HAUS6: variants seen among roughly 807,000 people sequenced by gnomAD.
HAUS6 encodes the protein HAUS augmin like complex subunit 6, also known as HAUS augmin-like complex subunit 6.
Under a neutral mutation model 106.8 loss-of-function variants are expected in HAUS6, and 80 were observed. The ratio of observed to expected loss-of-function variants is 0.75; its 90% CI spans 0.63 to 0.90. The LOEUF is 0.90. Ranked by LOEUF, HAUS6 falls within the 40% of genes least tolerant of loss-of-function variation. The pLI is 0.00. For synonymous variants in HAUS6, 356 were observed against 379.1 expected, an observed-to-expected ratio of 0.94 and a Z score of 0.71; for missense variants, 1,155 against 1,118.1, an observed-to-expected ratio of 1.03 and a Z score of -0.47.
intron 7 of HAUS6, among the ~76,000 whole-genome samples, chr9:19,084,891 C>G (rs1322029591): frequency 3.3e-5 from 5 of 151,900 alleles, no homozygotes; most frequent in African/African-American, 1.2e-4. Context: ...ATCGGCCTCC[C>G]AAAGTGCTCA....
chr9:19,058,349 A>G lies in HAUS6; in HGVS notation c.2418T>C (p.Pro806=). Residue 806 remains proline, a synonymous_variant, in exon 16 of 17, where the codon CCT becomes CCC. Transcript: ENST00000380502. ...EANFKLEPNS[P]MHGGTLLEDV... is the part of the protein sequence containing the mutation. ...CTTCTAGAAGAGTGCCACCATGCAT[A>G]GGACTATTTGGCTCCAGTTTAAAAT... 6.2e-7 allele frequency: 1 copy of G among 1,613,914 alleles called. No individual in the cohort carries two copies. Among genetic ancestry groups the G allele is most frequent in the South Asian group, 1.1e-5 (1 of 91,074 alleles).
rs754556589 is a variant in HAUS6, at chr9:19,060,082, A to C, written c.1765+6T>G. 6.2e-7 allele frequency: 1 copy of C among 1,603,658 alleles called. No homozygotes were observed. Among genetic ancestry groups the C allele is most frequent in the East Asian group, 2.2e-5 (1 of 44,824 alleles). On this transcript the variant is annotated splice_donor_region_variant and intron_variant, in intron 15 of 16. Coordinates refer to ENST00000380502, the MANE Select transcript of HAUS6 (RefSeq NM_017645.5). ...AAAAAAGTAACAGAAAGCATTATTAACTTACTCAAGTTTTCTGGAGTACGG... is the reference window on the plus strand; with the variant it reads ...AAAAAAGTAACAGAAAGCATTATTACCTTACTCAAGTTTTCTGGAGTACGG...
At chr9:19,084,457 G>A (rs1483003319) in intron 7 of HAUS6, among the ~76,000 whole-genome samples, 1 of 151,990 alleles carries the variant, frequency 6.6e-6, no homozygotes. Context: ...TGTTCACTTT[G>A]TGAAAATTTG....
chr9:19,063,720 T>C lies in HAUS6; in HGVS notation c.1377-140A>G. On this transcript the variant is annotated intron_variant, in intron 12 of 16. Coordinates refer to ENST00000380502, the MANE Select transcript of HAUS6 (RefSeq NM_017645.5). Reference sequence around the variant, plus strand: ...ATTCGTCCCGGTCATCAAAAGGCAGTTTATTCTAGGGAGGCATGGTGACAA... The same window carrying C: ...ATTCGTCCCGGTCATCAAAAGGCAGCTTATTCTAGGGAGGCATGGTGACAA... 6.4e-6 allele frequency: 5 copies of C among 775,210 alleles called. No individual in the cohort carries two copies. In the South Asian group the frequency reaches 6.8e-5, roughly 10 times the overall value. The allele number at this position is 775,210 out of a possible 1,614,324, so 48.0% of individuals were successfully genotyped here.
chr9:19,075,377 G>A (rs767083973), intron 11 of HAUS6, among the ~76,000 whole-genome samples: 1 of 152,204 alleles, frequency 6.6e-6, no homozygotes, highest in African/African-American at 2.4e-5. Context: ...TGGGTGAATT[G>A]TATATGTGAA....
At chr9:19,064,895 C>A (rs1836727383) in intron 12 of HAUS6, 1 of 151,998 alleles carries the variant, frequency 6.6e-6, no homozygotes, top group Non-Finnish European at 1.5e-5. Flanking sequence ...ATCAAAAAGC[C>A]CCCTGAAACA....
At chr9:19,066,830 C>CAAAAAAAAAAA in intron 12 of HAUS6, among the ~76,000 whole-genome samples, 1 of 82,098 alleles carries the variant, frequency 1.2e-5, no homozygotes. Flanking sequence ...CTCATCTCTA[C>CAAAAAAAAAAA]AAAAAAAAAA....
intron 2 of HAUS6, among the ~76,000 whole-genome samples, chr9:19,096,006 CA>C (rs1020431395): frequency 6.6e-6 from 1 of 151,370 alleles, no homozygotes; most frequent in African/African-American, 2.4e-5. Flanking sequence ...GAGTACCGAG[CA>C]AAAAAAATTG....
At chr9:19,072,780 G>C (rs1836907111) in intron 11 of HAUS6, among the ~76,000 whole-genome samples, 1 of 151,898 alleles carries the variant, frequency 6.6e-6, no homozygotes, top group African/African-American at 2.4e-5. Flanking sequence ...CAAAAGAATA[G>C]ACCAAAAAAG....
rs1397205248 is a variant in HAUS6 at position 19,058,001 on chromosome 9, G to A, written c.2766C>T (p.Thr922=). 2 of 1,610,792 alleles carry A rather than the reference G, an allele frequency of 1.2e-6. No homozygotes were observed. The highest frequency in any genetic ancestry group is 1.1e-5 in the South Asian group (1 of 90,972). Residue 922 remains threonine, a synonymous_variant, in exon 16 of 17, where the codon ACC becomes ACT. Transcript: ENST00000380502. ...KFSPVEQRLR[T]TIACSLGELP... is the part of the protein sequence containing the mutation. ...GTTCTCCAAGACTACATGCTATTGT[G>A]GTTCTCAATCTTTGTTCCACTGGAG...
intron 7 of HAUS6, among the ~76,000 whole-genome samples, chr9:19,085,468 T>C (rs1837267310): frequency 1.3e-5 from 2 of 152,140 alleles, no homozygotes; most frequent in South Asian, 4.2e-4. Context: ...TATCAGATGA[T>C]CAATACATTC....
chr9:19,097,796 A>G (rs1038491831), intron 1 of HAUS6, among the ~76,000 whole-genome samples: 2 of 152,164 alleles, frequency 1.3e-5, no homozygotes, highest in African/African-American at 4.8e-5. Flanking sequence ...AACAAAAATG[A>G]AAGAACACTA....
intron 13 of HAUS6, 133 bp from the exon 14 acceptor site, chr9:19,063,326 T>C: frequency 1.4e-6 from 1 of 691,878 alleles, no homozygotes; most frequent in Non-Finnish European, 2.4e-6. Flanking sequence ...TGTATGTCAC[T>C]GGCAGAATTA....
At position 19,080,424 on chromosome 9, in the gene HAUS6, T is replaced by C. The variant is rs1489461219; in HGVS notation, c.1064+55A>G. 6.9e-6 allele frequency: 8 copies of C among 1,157,490 alleles called. No homozygotes were observed. The African/African-American group carries it at 7.7e-5, about 11-fold the overall frequency. 71.7% of individuals were successfully genotyped at this position (1,157,490 alleles called of 1,614,324 possible). On this transcript the variant is annotated intron_variant, in intron 9 of 16. Transcript: ENST00000380502. Reference sequence around the variant, plus strand: ...AGCTATTAAACTTATACAAGTTTTGTTGAGAAAACCACCCTACTCCTCCCA... The same window carrying C: ...AGCTATTAAACTTATACAAGTTTTGCTGAGAAAACCACCCTACTCCTCCCA...
intron 1 of HAUS6, among the ~76,000 whole-genome samples, chr9:19,097,146 C>T (rs1040169405): frequency 1.3e-5 from 2 of 151,938 alleles, no homozygotes; most frequent in Admixed American, 6.6e-5. Context: ...CCATAAAAAC[C>T]CTAGAAGAAA....
chr9:19,101,680 G>C (rs1022001395), intron 1 of HAUS6, among the ~76,000 whole-genome samples: 1 of 152,192 alleles, frequency 6.6e-6, no homozygotes, highest in Admixed American at 6.5e-5. Flanking sequence ...CCAGCACTTT[G>C]GGAGGCCGAG....
rs147576223 is a variant in HAUS6 at position 19,083,756 on chromosome 9, C to T, written c.700-713G>A. Among the ~76,000 whole-genome samples, 461 of 149,634 alleles carry T rather than the reference C, an allele frequency of 3.1e-3. 6 individuals are homozygous for T. The highest frequency in any genetic ancestry group is 0.025 in the Admixed American group (370 of 14,970). On this transcript the variant is annotated intron_variant, in intron 7 of 16. Transcript: ENST00000380502. The stretch of plus-strand genomic sequence containing the variant: ...GGCGGAGCTTGCAGTAAGCCAAGAT[C>T]GCGCCACTGCACTCCAGCCTAGGGG...
rs527920959 is a variant in HAUS6, at chr9:19,063,768, T to C, written c.1377-188A>G. On this transcript the variant is annotated intron_variant, in intron 12 of 16. Transcript: ENST00000380502. Reference sequence around the variant, plus strand: ...CAAGTAGAGCAGTATTTCAGCCCAATTTGTGTATCAGCCTCCCAATTATGA... The same window carrying C: ...CAAGTAGAGCAGTATTTCAGCCCAACTTGTGTATCAGCCTCCCAATTATGA... The C allele has an allele frequency of 4.0e-6, 3 of 745,586 alleles. No individual in the cohort carries two copies. The East Asian group carries it at 7.8e-5, about 19-fold the overall frequency. 46.2% of individuals were successfully genotyped at this position (745,586 alleles called of 1,614,324 possible). A position where few individuals can be genotyped will look rare whatever the true frequency, so the allele number is the denominator to read the frequency against.
chr9:19,098,660 T>C lies in HAUS6; in HGVS notation c.129-1891A>G, dbSNP rs1405287003. Among the ~76,000 whole-genome samples, 6 of 152,070 alleles carry C rather than the reference T, an allele frequency of 3.9e-5. No individual in the cohort carries two copies. In the East Asian group the frequency reaches 1.2e-3, roughly 29 times the overall value. ...CTCTGTAATGCAACCATATGATTTT[T>C]CCAAACTGCAAACCTTTTGGGCAAA... On this transcript the variant is annotated intron_variant, in intron 1 of 16. Coordinates refer to ENST00000380502, the MANE Select transcript of HAUS6 (RefSeq NM_017645.5).
Sources: allele counts gnomAD v4.1 joint callset (sites outside exome capture counted in the v4.1 genomes callset), GRCh38; gene constraint gnomAD v4.1.1; transcripts MANE v1.5; gene names NCBI Gene and HGNC (gene_info 2026-07-23, HGNC 2026-07-21).